TEKT3: variants seen among roughly 807,000 people sequenced by gnomAD.
The protein encoded by TEKT3 is tektin-3.
Under a neutral mutation model 49.8 loss-of-function variants are expected in TEKT3, and 49 were observed. The ratio of observed to expected loss-of-function variants is 0.98; its 90% CI spans 0.78 to 1.25. The LOEUF (loss-of-function observed/expected upper bound fraction) is 1.25. Ranked by LOEUF, TEKT3 falls within the 50% of genes most tolerant of loss-of-function variation. The pLI is 0.00. For missense variants in TEKT3, 595 were observed against 629.5 expected (o/e 0.95, Z 0.59); for synonymous variants, 225 against 237.2 (o/e 0.95, Z 0.47).
chr17:15,343,530 A>T (rs138222261), upstream of TEKT3, among the ~76,000 whole-genome samples: 175 of 152,320 alleles, frequency 1.1e-3, no homozygotes, highest in Non-Finnish European at 2.1e-3. Context: ...CAGCAGCTCC[A>T]CAAGTTCAGG....
intron 5 of TEKT3, among the ~76,000 whole-genome samples, chr17:15,314,536 C>T (rs912493967): frequency 2.6e-5 from 4 of 152,196 alleles, no homozygotes; most frequent in African/African-American, 9.7e-5. Context: ...GCCCATCTCC[C>T]TAAAACACAC....
At chr17:15,322,556 G>A (rs1911311309) in intron 4 of TEKT3, among the ~76,000 whole-genome samples, 1 of 152,338 alleles carries the variant, frequency 6.6e-6, no homozygotes, top group East Asian at 1.9e-4. Context: ...AAATGTGGAT[G>A]AGTGCTGACC....
At chr17:15,328,600 T>C (rs1911585043) in intron 3 of TEKT3, among the ~76,000 whole-genome samples, 1 of 152,174 alleles carries the variant, frequency 6.6e-6, no homozygotes, top group Non-Finnish European at 1.5e-5. Flanking sequence ...AGAAAAAATA[T>C]AGAAAAGTAG....
intron 8 of TEKT3, among the ~76,000 whole-genome samples, chr17:15,307,277 A>G (rs965706951): frequency 1.3e-5 from 2 of 152,336 alleles, no homozygotes; most frequent in Non-Finnish European, 2.9e-5. Context: ...TAAATGCATT[A>G]CACAACGTAA....
chr17:15,333,488 C>T, intron 2 of TEKT3, among the ~76,000 whole-genome samples: 1 of 152,096 alleles, frequency 6.6e-6, no homozygotes, highest in East Asian at 1.9e-4. Context: ...TTATACTGGC[C>T]AAACTTACAG....
chr17:15,331,462 A>G lies in TEKT3; in HGVS notation c.124T>C (p.Leu42=). The change falls in exon 3 of 9, where the codon TTG becomes CTG. Residue 42 remains leucine, a synonymous_variant. Coordinates refer to ENST00000395930, the MANE Select transcript of TEKT3 (RefSeq NM_031898.3). ...CAAGGAAGGCTCAGGCTATGGGTCAAATTGGAGTGGGGAAAGCGGTCCCTG... is the reference window on the plus strand; with the variant it reads ...CAAGGAAGGCTCAGGCTATGGGTCAGATTGGAGTGGGGAAAGCGGTCCCTG... ...SYRDRFPHSN[L]THSLSLPWRP... is the part of the protein sequence containing the mutation. 6.2e-7 allele frequency: 1 copy of G among 1,614,046 alleles called. No homozygotes were observed. The highest frequency in any genetic ancestry group is 8.5e-7 in the Non-Finnish European group (1 of 1,180,010).
chr17:15,335,824 G>A (rs909254060), intron 2 of TEKT3, among the ~76,000 whole-genome samples: 1 of 151,980 alleles, frequency 6.6e-6, no homozygotes, highest in Non-Finnish European at 1.5e-5. Context: ...ATAAACTTCA[G>A]GAATAAAACA....
chr17:15,336,302 A>C (rs546683198), intron 2 of TEKT3, among the ~76,000 whole-genome samples: 1 of 152,334 alleles, frequency 6.6e-6, no homozygotes, highest in Admixed American at 6.5e-5. Flanking sequence ...CCAAACCAGA[A>C]GACAAACAAC....
At chr17:15,327,220 C>G (rs1395812596) in intron 4 of TEKT3, among the ~76,000 whole-genome samples, 1 of 151,322 alleles carries the variant, frequency 6.6e-6, no homozygotes, top group Non-Finnish European at 1.5e-5. Flanking sequence ...AAAATCATGT[C>G]TTAAAAGAAT....
At chr17:15,326,847 G>A (rs1048383844) in intron 4 of TEKT3, among the ~76,000 whole-genome samples, 8 of 152,320 alleles carry the variant, frequency 5.3e-5, no homozygotes, top group African/African-American at 1.9e-4. Context: ...AAGAAGTGAA[G>A]ATCAGAGAAA....
At position 15,331,496 on chromosome 17, in the gene TEKT3, G is replaced by C. The variant is rs745954806; in HGVS notation, c.90C>G (p.Ala30=). 2.5e-6 allele frequency: 4 copies of C among 1,614,148 alleles called. 1 individual carries two copies. In the South Asian group the frequency reaches 4.4e-5, roughly 18 times the overall value. ...TNFLPAISTM[A]SSYRDRFPHS... ...GGGGAAAGCGGTCCCTGTAGCTTGAGGCCATGGTACTGATGGCTGGTAGAA... is the reference window on the plus strand; with the variant it reads ...GGGGAAAGCGGTCCCTGTAGCTTGACGCCATGGTACTGATGGCTGGTAGAA... The change falls in exon 3 of 9, where the codon GCC becomes GCG. Residue 30 remains alanine (A), a synonymous_variant. Coordinates refer to ENST00000395930, the MANE Select transcript of TEKT3 (RefSeq NM_031898.3).
chr17:15,326,098 AG>A, intron 4 of TEKT3, among the ~76,000 whole-genome samples: 1 of 152,298 alleles, frequency 6.6e-6, no homozygotes, highest in Middle Eastern at 3.4e-3. Context: ...CAAAGAAAAA[AG>A]TCTGCTTGTC....
chr17:15,335,429 A>G (rs921174241), intron 2 of TEKT3, among the ~76,000 whole-genome samples: 1 of 152,192 alleles, frequency 6.6e-6, no homozygotes, highest in Non-Finnish European at 1.5e-5. Flanking sequence ...ACTAGATTGG[A>G]GGGTCATTGA....
At position 15,331,358 on chromosome 17, in the gene TEKT3, G is replaced by A. The variant is rs150447534; in HGVS notation, c.228C>T (p.Ser76=). Residue 76 remains serine (S), a synonymous_variant, in exon 3 of 9, where the codon TCC becomes TCT. Coordinates refer to ENST00000395930, the MANE Select transcript of TEKT3 (RefSeq NM_031898.3). ...APYCTRSQRV[S]ENTMLPFVSN... The stretch of plus-strand genomic sequence containing the variant: ...AAACAAAGGGAAGCATGGTATTCTC[G>A]GACACCCTCTGTGATCTGGTGCAGT... The A allele has an allele frequency of 3.8e-4, 618 of 1,614,036 alleles. No individual in the cohort carries two copies. The highest frequency in any genetic ancestry group is 4.4e-4 in the Non-Finnish European group (524 of 1,180,050).
At position 15,332,983 on chromosome 17, in the gene TEKT3, A is replaced by G. The variant is rs60164513; in HGVS notation, c.-29-1369T>C. Among the ~76,000 whole-genome samples, 685 of 151,928 alleles carry G rather than the reference A, an allele frequency of 4.5e-3. 7 individuals are homozygous for G. Among genetic ancestry groups the G allele is most frequent in the African/African-American group, 0.016 (664 of 41,402 alleles). ...ATATACAAAGCTTTTTAATACAAAA[A>G]CTGAATTATCCTAATCATTTGATAT... On this transcript the variant is annotated intron_variant, in intron 2 of 8. Coordinates refer to ENST00000395930, the MANE Select transcript of TEKT3 (RefSeq NM_031898.3).
At chr17:15,314,342 C>G in intron 5 of TEKT3, 112 bp from the exon 6 acceptor site, 1 of 1,413,640 alleles carries the variant, frequency 7.1e-7, no homozygotes, top group Admixed American at 1.9e-5. Flanking sequence ...CTCACCATCT[C>G]TCCCTCTTCA....
Position 15,304,515 on chromosome 17 carries a change from A to G in TEKT3, c.1257-363T>C, listed in dbSNP as rs1415384355. Among the ~76,000 whole-genome samples, 2 of 152,208 alleles carry G rather than the reference A, an allele frequency of 1.3e-5. No individual in the cohort carries two copies. The highest frequency in any genetic ancestry group is 2.4e-5 in the African/African-American group (1 of 41,456). ...ACTTCCTTGTTTTACAGACTAGGAAATAGAGCCCAGGGGTTCATAAGCTGT... is the reference window on the plus strand; with the variant it reads ...ACTTCCTTGTTTTACAGACTAGGAAGTAGAGCCCAGGGGTTCATAAGCTGT... On this transcript the variant is annotated intron_variant, in intron 8 of 8. Transcript: ENST00000395930. The surrounding 1 kb of genome is among the most constrained non-coding windows in gnomAD (Gnocchi z 4.7).
At chr17:15,306,538 T>C (rs1910558889) in intron 8 of TEKT3, among the ~76,000 whole-genome samples, 1 of 148,154 alleles carries the variant, frequency 6.7e-6, no homozygotes, top group Non-Finnish European at 1.5e-5. Context: ...GAAAAGCAAA[T>C]TCTGTTTAGC....
intron 4 of TEKT3, among the ~76,000 whole-genome samples, chr17:15,324,785 G>T (rs1911418467): frequency 6.6e-6 from 1 of 152,092 alleles, no homozygotes; most frequent in Non-Finnish European, 1.5e-5. Flanking sequence ...ATGATGTCCA[G>T]TTTATCTGCT....
Sources: gnomAD v4.1 joint callset for allele counts (sites outside exome capture counted in the v4.1 genomes callset) on GRCh38, gnomAD v4.1.1 for gene constraint, Gnocchi (gnomAD v3.1) non-coding constraint, MANE v1.5 for transcripts, NCBI Gene and HGNC (gene_info 2026-07-23, HGNC 2026-07-21) for gene names.